Variants in ULK2 observed in about 807,000 individuals in gnomAD.
ULK2 encodes serine/threonine-protein kinase ULK2.
In ULK2, 76 loss-of-function variants were observed where a neutral mutation model predicts 127.5. The ratio of observed to expected loss-of-function variants is 0.60; its 90% CI spans 0.50 to 0.72. The LOEUF (loss-of-function observed/expected upper bound fraction) is 0.72. Ranked by LOEUF, ULK2 falls within the 30% of genes least tolerant of loss-of-function variation. The pLI is 0.00. For missense variants in ULK2, 1,144 were observed against 1,295.9 expected (o/e 0.88, Z 1.80); for synonymous variants, 452 against 461.9 (o/e 0.98, Z 0.28).
chr17:19,774,979 T>C lies in ULK2; in HGVS notation c.*1370A>G, dbSNP rs2086789954. The C allele has an allele frequency of 6.6e-6, 1 of 152,656 alleles. No individual in the cohort carries two copies. The allele number at this position is 152,656 out of a possible 1,614,324, so 9.5% of individuals were successfully genotyped here. On this transcript the variant is annotated 3_prime_UTR_variant, in exon 27 of 27. Transcript: ENST00000395544. Reference sequence around the variant, plus strand: ...TAAATAAGGTAAAAATTACATTACTTTGTCAAAGTAAAGGAAAACCATGTT... The same window carrying C: ...TAAATAAGGTAAAAATTACATTACTCTGTCAAAGTAAAGGAAAACCATGTT...
intron 17 of ULK2, among the ~76,000 whole-genome samples, chr17:19,798,265 C>T (rs1166175486): frequency 6.6e-6 from 1 of 152,128 alleles, no homozygotes; most frequent in Non-Finnish European, 1.5e-5. Context: ...GTACTTTGTC[C>T]ATTAAATTAC....
intron 21 of ULK2, among the ~76,000 whole-genome samples, chr17:19,785,169 G>C (rs1452552666): frequency 6.6e-6 from 1 of 152,060 alleles, no homozygotes; most frequent in East Asian, 1.9e-4. Flanking sequence ...TAAGTGCAAA[G>C]ATTGAGACCC....
Position 19,818,797 on chromosome 17 carries a change from CTTT to C in ULK2, c.925-1880_925-1878del, listed in dbSNP as rs71157835. 5.2e-3 allele frequency among the ~76,000 whole-genome samples: 403 copies of C among 77,786 alleles called. 13 individuals carry two copies. In the East Asian group the frequency reaches 0.092, roughly 18 times the overall value. 51.0% of individuals were successfully genotyped at this position (77,786 alleles called of 152,430 possible). A position where few individuals can be genotyped will look rare whatever the true frequency, so the allele number is the denominator to read the frequency against. On this transcript the variant is annotated intron_variant, in intron 12 of 26. Coordinates refer to ENST00000395544, the MANE Select transcript of ULK2 (RefSeq NM_014683.4). ...CTCTTCTTCATTTCTTTTCTTTTTTCTTTTTTTTTTTTTTTTTTTTTGAGATGG... is the reference window on the plus strand; with the variant it reads ...CTCTTCTTCATTTCTTTTCTTTTTTCTTTTTTTTTTTTTTTTTTGAGATGG...
At chr17:19,826,219 G>T in intron 10 of ULK2, 33 bp from the exon 11 acceptor site, 1 of 1,322,744 alleles carries the variant, frequency 7.6e-7, no homozygotes, top group Non-Finnish European at 1.0e-6. Flanking sequence ...AACCTTTAAA[G>T]AGACATTGAC....
intron 10 of ULK2, among the ~76,000 whole-genome samples, chr17:19,829,548 A>AAGGGC (rs531835867): frequency 1.2e-4 from 3 of 25,514 alleles, no homozygotes; most frequent in Admixed American, 5.5e-4. Context: ...GAAAAAAAAA[A>AAGGGC]GGGGGGGGGC....
chr17:19,824,270 C>A (rs991956918), intron 12 of ULK2, among the ~76,000 whole-genome samples: 2 of 151,864 alleles, frequency 1.3e-5, no homozygotes, highest in African/African-American at 4.8e-5. Flanking sequence ...CATAGTGAAA[C>A]CCCGTCTCTA....
intron 9 of ULK2, among the ~76,000 whole-genome samples, chr17:19,838,979 C>T (rs572386934): frequency 3.8e-4 from 57 of 150,454 alleles, no homozygotes; most frequent in African/African-American, 1.3e-3. Flanking sequence ...TGCAGTGAGC[C>T]GAGATCATGC....
chr17:19,811,573 C>T (rs1299910435), intron 13 of ULK2, among the ~76,000 whole-genome samples: 1 of 152,028 alleles, frequency 6.6e-6, no homozygotes, highest in African/African-American at 2.4e-5. Context: ...TCCCAAGTAG[C>T]TGGGATTACA....
At chr17:19,851,048 C>T (rs1220507418) in intron 3 of ULK2, among the ~76,000 whole-genome samples, 1 of 151,288 alleles carries the variant, frequency 6.6e-6, no homozygotes, top group Non-Finnish European at 1.5e-5. Flanking sequence ...TACAGTGGCT[C>T]ATGCCTGTAA....
intron 3 of ULK2, among the ~76,000 whole-genome samples, chr17:19,858,796 C>T (rs1441603433): frequency 6.6e-6 from 1 of 152,036 alleles, no homozygotes; most frequent in Non-Finnish European, 1.5e-5. Flanking sequence ...ATGGTGAAAC[C>T]CCATTTCTAC....
chr17:19,801,336 G>T (rs1342124947), intron 16 of ULK2, among the ~76,000 whole-genome samples: 1 of 152,196 alleles, frequency 6.6e-6, no homozygotes. Flanking sequence ...CACTTTGGAA[G>T]GCCAAGGCGA....
intron 3 of ULK2, among the ~76,000 whole-genome samples, chr17:19,861,780 G>A (rs1427717576): frequency 6.6e-6 from 1 of 152,196 alleles, no homozygotes; most frequent in Non-Finnish European, 1.5e-5. Context: ...TGAGAGATGA[G>A]TTTAGTTTTG....
intron 14 of ULK2, among the ~76,000 whole-genome samples, chr17:19,809,159 T>C (rs2087574473): frequency 6.6e-6 from 1 of 152,118 alleles, no homozygotes; most frequent in Non-Finnish European, 1.5e-5. Context: ...CTAAGTGAAA[T>C]AAGTCAAGTC....
At chr17:19,819,479 CTTG>C (rs1193488525) in intron 12 of ULK2, among the ~76,000 whole-genome samples, 1 of 152,218 alleles carries the variant, frequency 6.6e-6, no homozygotes, top group East Asian at 1.9e-4. Flanking sequence ...TCACGCTTCA[CTTG>C]TTGTACTTAC....
At chr17:19,800,379 C>G (rs1368201315) in intron 16 of ULK2, among the ~76,000 whole-genome samples, 1 of 152,132 alleles carries the variant, frequency 6.6e-6, no homozygotes, top group Non-Finnish European at 1.5e-5. Context: ...ATCAAGAGGG[C>G]TCATTCCAAG....
intron 9 of ULK2, among the ~76,000 whole-genome samples, chr17:19,841,157 T>C (rs1284721645): frequency 1.3e-5 from 2 of 152,174 alleles, no homozygotes; most frequent in African/African-American, 4.8e-5. Context: ...CAGCAAACTC[T>C]TGTTACCCCT....
At chr17:19,808,551 T>C (rs1212407618) in intron 14 of ULK2, among the ~76,000 whole-genome samples, 1 of 152,100 alleles carries the variant, frequency 6.6e-6, no homozygotes, top group Non-Finnish European at 1.5e-5. Context: ...ATATCCAAAA[T>C]ATACAGAGAA....
At chr17:19,776,541 A>C (rs2086815163) in intron 26 of ULK2, 134 bp from the exon 27 acceptor site, 2 of 853,584 alleles carry the variant, frequency 2.3e-6, no homozygotes, top group Non-Finnish European at 3.5e-6. Flanking sequence ...TTTAGATATG[A>C]CTTCTAGCTT....
At chr17:19,790,312 G>A (rs1330433674) in intron 20 of ULK2, among the ~76,000 whole-genome samples, 1 of 152,166 alleles carries the variant, frequency 6.6e-6, no homozygotes, top group Non-Finnish European at 1.5e-5. Flanking sequence ...AGCTACTTGG[G>A]AAGCTGAGGC....
Sources: gnomAD v4.1 joint callset for allele counts (sites outside exome capture counted in the v4.1 genomes callset) on GRCh38, gnomAD v4.1.1 for gene constraint, MANE v1.5 for transcripts, NCBI Gene and HGNC (gene_info 2026-07-23, HGNC 2026-07-21) for gene names.